Variants in COL28A1 observed in about 807,000 individuals in gnomAD.
COL28A1 encodes collagen alpha-1(XXVIII) chain.
Under a neutral mutation model 150.2 loss-of-function variants are expected in COL28A1, and 161 were observed. The observed-to-expected ratio is 1.07, with a 90% confidence interval of 0.94 to 1.22. COL28A1 has a LOEUF of 1.22. COL28A1 is among the 50% of genes most tolerant of loss of function. COL28A1 has a pLI of 0.00. For missense variants in COL28A1, 1,617 were observed against 1,388.3 expected (o/e 1.16, Z -2.62); for synonymous variants, 552 against 469.7 (o/e 1.18, Z -2.26).
intron 27 of COL28A1, among the ~76,000 whole-genome samples, chr7:7,396,558 T>C (rs1445060039): frequency 1.3e-5 from 2 of 152,196 alleles, no homozygotes; most frequent in East Asian, 1.9e-4. Context: ...CCCATATAGA[T>C]ATGTTAACAT....
chr7:7,408,658 T>C (rs948270410), intron 27 of COL28A1, among the ~76,000 whole-genome samples: 2 of 152,140 alleles, frequency 1.3e-5, no homozygotes, highest in African/African-American at 4.8e-5. Flanking sequence ...CTGCTGTTGT[T>C]TTTCCTTGTA....
chr7:7,437,670 T>C (rs4503020), intron 21 of COL28A1, among the ~76,000 whole-genome samples: 3 of 152,132 alleles, frequency 2.0e-5, no homozygotes, highest in Non-Finnish European at 4.4e-5. Flanking sequence ...TAAATAACTA[T>C]GTTCAATTAA....
intron 30 of COL28A1, among the ~76,000 whole-genome samples, chr7:7,378,391 G>A (rs1221316237): frequency 6.6e-6 from 1 of 152,152 alleles, no homozygotes; most frequent in African/African-American, 2.4e-5. Flanking sequence ...TACATTCCCT[G>A]AGAGTTTGAA....
intron 15 of COL28A1, among the ~76,000 whole-genome samples, chr7:7,468,430 G>T (rs191282611): frequency 1.2e-5 from 1 of 86,716 alleles, no homozygotes. Flanking sequence ...TCTCTGAATA[G>T]ACCAATAACA....
intron 18 of COL28A1, among the ~76,000 whole-genome samples, chr7:7,446,191 T>C (rs1267270006): frequency 1.3e-5 from 2 of 151,964 alleles, no homozygotes; most frequent in Non-Finnish European, 2.9e-5. Flanking sequence ...TAAAAGTAAA[T>C]AAATTTCTAA....
At position 7,452,321 on chromosome 7, in the gene COL28A1, T is replaced by G. The variant is rs1481955105; in HGVS notation, c.1507A>C (p.Lys503Gln). The change falls in exon 18 of 35, where the codon AAG (lysine) becomes CAG (glutamine). Residue 503 changes from lysine (K) to glutamine (Q), a missense_variant and splice_region_variant. Coordinates refer to ENST00000399429, the MANE Select transcript of COL28A1 (RefSeq NM_001037763.3). ...GPVGIGVQGP[K>Q]GEPGSIGLPG... ...CTTCTGAGCAGCAGTCAACTCACCT[T>G]TGGACCTTGTACTCCAATTCCCACT... 2 of 1,604,696 alleles carry G rather than the reference T, an allele frequency of 1.2e-6. No homozygotes were observed. The highest frequency in any genetic ancestry group is 3.3e-4 in the Middle Eastern group (2 of 6,036).
intron 26 of COL28A1, among the ~76,000 whole-genome samples, chr7:7,419,576 C>T (rs1378932363): frequency 6.6e-6 from 1 of 152,136 alleles, no homozygotes; most frequent in Non-Finnish European, 1.5e-5. Context: ...ACCTGAGGCA[C>T]CTCTGCCAAA....
chr7:7,353,382 T>A (rs1276028040), downstream of COL28A1, among the ~76,000 whole-genome samples: 5 of 152,198 alleles, frequency 3.3e-5, no homozygotes, highest in African/African-American at 7.2e-5. Context: ...GTAGATCTAC[T>A]GGGCACTAAT....
At chr7:7,350,851 G>C in the COL28A1 span, among the ~76,000 whole-genome samples, 1 of 151,720 alleles carries the variant, frequency 6.6e-6, no homozygotes. Flanking sequence ...GGAAATAACT[G>C]GAACATTCCA....
chr7:7,344,308 T>G, the COL28A1 span, among the ~76,000 whole-genome samples: 6 of 150,712 alleles, frequency 4.0e-5, no homozygotes, highest in African/African-American at 1.0e-4. Context: ...TTTTGTTCAT[T>G]TTTTTTCTTC....
intron 27 of COL28A1, among the ~76,000 whole-genome samples, chr7:7,389,839 T>C (rs985882226): frequency 1.3e-5 from 2 of 152,244 alleles, no homozygotes; most frequent in African/African-American, 2.4e-5. Flanking sequence ...TTTTGCACAT[T>C]GATTTCGTAT....
intron 11 of COL28A1, among the ~76,000 whole-genome samples, chr7:7,498,910 GCA>G (rs551868141): frequency 1.5e-4 from 22 of 148,846 alleles, no homozygotes; most frequent in Non-Finnish European, 2.1e-4. Context: ...ACACACACAC[GCA>G]CACACACACA....
intron 18 of COL28A1, among the ~76,000 whole-genome samples, chr7:7,447,700 A>G (rs1786366759): frequency 6.6e-6 from 1 of 152,164 alleles, no homozygotes; most frequent in Non-Finnish European, 1.5e-5. Context: ...GATGTATGAG[A>G]TAAAAAACAC....
At position 7,444,495 on chromosome 7, in the gene COL28A1, G is replaced by GA; in HGVS notation, c.1510-7dup. 6.2e-7 allele frequency: 1 copy of GA among 1,613,316 alleles called. No homozygotes were observed. The highest frequency in any genetic ancestry group is 2.2e-5 in the East Asian group (1 of 44,846). ...CCTATTGAGCCTGGCTCTCCCTGGT[G>GA]AATGAACAAATATTTTATTTCCCTA... On this transcript the variant is annotated splice_polypyrimidine_tract_variant and splice_region_variant and intron_variant, in intron 18 of 34. Transcript: ENST00000399429.
chr7:7,416,694 G>A (rs977692882), intron 27 of COL28A1, among the ~76,000 whole-genome samples: 1 of 152,202 alleles, frequency 6.6e-6, no homozygotes, highest in African/African-American at 2.4e-5. Flanking sequence ...CAGCCCGAGA[G>A]ATGAACAACA....
At chr7:7,396,998 T>A (rs1782871178) in intron 27 of COL28A1, among the ~76,000 whole-genome samples, 1 of 152,162 alleles carries the variant, frequency 6.6e-6, no homozygotes, top group Non-Finnish European at 1.5e-5. Flanking sequence ...CATGGAAATG[T>A]CCCTGTGCTG....
At chr7:7,433,291 C>G (rs1239497607) in intron 23 of COL28A1, among the ~76,000 whole-genome samples, 1 of 152,020 alleles carries the variant, frequency 6.6e-6, no homozygotes, top group East Asian at 1.9e-4. Flanking sequence ...AAATTTCTGA[C>G]TCAAGTAAAA....
At chr7:7,414,636 C>T (rs561018260) in intron 27 of COL28A1, among the ~76,000 whole-genome samples, 3 of 152,350 alleles carry the variant, frequency 2.0e-5, no homozygotes, top group Non-Finnish European at 2.9e-5. Context: ...AGATCATACT[C>T]TTCCACATAG....
chr7:7,480,009 G>A (rs1209685578), intron 13 of COL28A1, among the ~76,000 whole-genome samples: 1 of 152,164 alleles, frequency 6.6e-6, no homozygotes, highest in East Asian at 1.9e-4. Flanking sequence ...ATAAACCTAT[G>A]ATGGAACAAA....
Sources: gnomAD v4.1 joint callset for allele counts (sites outside exome capture counted in the v4.1 genomes callset) on GRCh38, gnomAD v4.1.1 for gene constraint, MANE v1.5 for transcripts, NCBI Gene and HGNC (gene_info 2026-07-23, HGNC 2026-07-21) for gene names.